Variants in GREB1L observed in about 807,000 individuals in gnomAD.
GREB1L encodes GREB1 like retinoic acid receptor coactivator.
GREB1L carries 17 observed loss-of-function variants against 200.8 expected under a neutral mutation model. That is an observed-to-expected ratio of 0.08 (90% CI 0.06 to 0.13). The LOEUF is 0.13. Ranked by LOEUF, GREB1L falls within the 10% of genes least tolerant of loss-of-function variation. GREB1L has a pLI of 1.00. For missense variants in GREB1L, 1,657 were observed against 2,367.7 expected (o/e 0.70, Z 6.23); for synonymous variants, 789 against 893.0 (o/e 0.88, Z 2.08).
chr18:21,473,938 A>G (rs1316425310), intron 16 of GREB1L, among the ~76,000 whole-genome samples: 3 of 152,154 alleles, frequency 2.0e-5, no homozygotes, highest in Non-Finnish European at 2.9e-5. Flanking sequence ...ACCTCTGATA[A>G]TATCATCAGA....
Position 21,521,582 on chromosome 18 carries a change from G to A in GREB1L, c.5608+759G>A, listed in dbSNP as rs532711219. Among the ~76,000 whole-genome samples, 4 of 152,132 alleles carry A rather than the reference G, an allele frequency of 2.6e-5. No homozygotes were observed. The East Asian group carries it at 5.8e-4, about 22-fold the overall frequency. On this transcript the variant is annotated intron_variant, in intron 32 of 32. Coordinates refer to ENST00000424526, the MANE Select transcript of GREB1L (RefSeq NM_001142966.3). Reference sequence around the variant, plus strand: ...TATTTAGAGACTTATTGGGGATGGGGGAGTGGTAGATTTTGCCTCCCAGGA... The same window carrying A: ...TATTTAGAGACTTATTGGGGATGGGAGAGTGGTAGATTTTGCCTCCCAGGA...
At chr18:21,362,998 C>G (rs1234588330) in intron 1 of GREB1L, among the ~76,000 whole-genome samples, 7 of 152,170 alleles carry the variant, frequency 4.6e-5, no homozygotes, top group Non-Finnish European at 1.0e-4. Context: ...TGGAGGTTGT[C>G]TGATGAATGG....
chr18:21,393,559 T>C (rs1427025124), intron 4 of GREB1L, among the ~76,000 whole-genome samples: 1 of 152,168 alleles, frequency 6.6e-6, no homozygotes, highest in East Asian at 1.9e-4. Flanking sequence ...CACTGCAAGC[T>C]CCGCCTCTAC....
chr18:21,500,250 G>T lies in GREB1L; in HGVS notation c.3913G>T (p.Ala1305Ser). The change falls in exon 22 of 33, where the codon GCC becomes TCC. Residue 1305 changes from alanine (A) to serine (S), a missense_variant. By Grantham distance (99) the Ala-to-Ser change is moderately conservative (BLOSUM62 1). Coordinates refer to ENST00000424526, the MANE Select transcript of GREB1L (RefSeq NM_001142966.3). Reference sequence around the variant, plus strand: ...TGACTATAGCAACCAGCTGGACCCGGCCTCTGGCACCCGAAACTTCCACCC... The same window carrying T: ...TGACTATAGCAACCAGCTGGACCCGTCCTCTGGCACCCGAAACTTCCACCC... ...HADYSNQLDP[A>S]SGTRNFHPRR... is the part of the protein sequence containing the mutation. 6.6e-7 allele frequency: 1 copy of T among 1,507,522 alleles called. No individual in the cohort carries two copies. 93.4% of individuals were successfully genotyped at this position (1,507,522 alleles called of 1,614,324 possible).
At position 21,518,243 on chromosome 18, in the gene GREB1L, G is replaced by GGT; in HGVS notation, c.5472+13_5472+14dup. Reference sequence around the variant, plus strand: ...TTAACATTGGACCAGAGGTAAAAAGGGTGTGGGGGATACTGTGCTTACCTA... The same window carrying GGT: ...TTAACATTGGACCAGAGGTAAAAAGGGTGTGTGGGGGATACTGTGCTTACCTA... On this transcript the variant is annotated intron_variant, in intron 31 of 32. Transcript: ENST00000424526. 6.4e-7 allele frequency: 1 copy of GGT among 1,550,876 alleles called. No homozygotes were observed. Among genetic ancestry groups the GGT allele is most frequent in the Non-Finnish European group, 8.7e-7 (1 of 1,146,344 alleles).
At chr18:21,312,027 T>C (rs2038800117) in intron 1 of GREB1L, among the ~76,000 whole-genome samples, 1 of 152,118 alleles carries the variant, frequency 6.6e-6, no homozygotes, top group Non-Finnish European at 1.5e-5. Flanking sequence ...TTTCCCTCTT[T>C]GTGTCCATGA....
At chr18:21,385,322 A>G (rs576006869) in intron 4 of GREB1L, among the ~76,000 whole-genome samples, 19 of 152,144 alleles carry the variant, frequency 1.2e-4, no homozygotes, top group Non-Finnish European at 2.5e-4. Flanking sequence ...CTAGAGGTTC[A>G]AATATGGAAA....
At chr18:21,259,560 C>T (rs974467278) in intron 1 of GREB1L, among the ~76,000 whole-genome samples, 2 of 152,012 alleles carry the variant, frequency 1.3e-5, no homozygotes, top group African/African-American at 2.4e-5. Context: ...AACCATGTTC[C>T]TCAAACCATT....
intron 15 of GREB1L, among the ~76,000 whole-genome samples, chr18:21,467,967 G>A (rs2035329540): frequency 6.6e-6 from 1 of 150,780 alleles, no homozygotes; most frequent in South Asian, 2.1e-4. Flanking sequence ...GGAGCTCACA[G>A]TGAGCCGAGA....
At chr18:21,503,211 TA>T (rs1225149930) in intron 23 of GREB1L, among the ~76,000 whole-genome samples, 1 of 151,612 alleles carries the variant, frequency 6.6e-6, no homozygotes, top group Non-Finnish European at 1.5e-5. Context: ...TTATTAATAA[TA>T]AAAAAATATA....
At chr18:21,399,983 G>A (rs1446460147) in intron 5 of GREB1L, among the ~76,000 whole-genome samples, 1 of 151,806 alleles carries the variant, frequency 6.6e-6, no homozygotes, top group Non-Finnish European at 1.5e-5. Context: ...TTAGCTTAGG[G>A]GTCTGAAAAG....
At chr18:21,426,973 CAAAAAAA>C (rs56776768) in intron 7 of GREB1L, among the ~76,000 whole-genome samples, 41,397 of 83,834 alleles carry the variant, frequency 0.49, 8,427 homozygotes, top group African/African-American at 0.62. Context: ...AAAAAAAAAA[CAAAAAAA>C]AAAAAAACAA....
intron 19 of GREB1L, among the ~76,000 whole-genome samples, chr18:21,493,462 C>T (rs529539654): frequency 6.6e-5 from 10 of 152,248 alleles, no homozygotes; most frequent in African/African-American, 2.4e-4. Context: ...AGAACTGCAG[C>T]CATCAGTCAT....
intron 7 of GREB1L, among the ~76,000 whole-genome samples, chr18:21,425,080 A>G (rs1422758128): frequency 6.6e-6 from 1 of 152,212 alleles, no homozygotes; most frequent in Non-Finnish European, 1.5e-5. Flanking sequence ...GTTGATACAA[A>G]TCAATTTTCA....
chr18:21,404,142 C>G, intron 7 of GREB1L, 148 bp downstream of exon 7: 1 of 739,586 alleles, frequency 1.4e-6, no homozygotes. Context: ...AGAATTCAGC[C>G]TTGAGATGGG....
chr18:21,271,167 G>T (rs2038072384), intron 1 of GREB1L, among the ~76,000 whole-genome samples: 1 of 152,188 alleles, frequency 6.6e-6, no homozygotes, highest in Non-Finnish European at 1.5e-5. Flanking sequence ...GTATATAACA[G>T]ACCTTTATAT....
intron 1 of GREB1L, among the ~76,000 whole-genome samples, chr18:21,364,744 A>G (rs1308575477): frequency 1.3e-5 from 2 of 152,234 alleles, no homozygotes; most frequent in African/African-American, 2.4e-5. Context: ...AGAAGAAAAT[A>G]CAAAAATGTC....
intron 1 of GREB1L, among the ~76,000 whole-genome samples, chr18:21,330,783 A>G (rs1025847802): frequency 2.0e-5 from 3 of 152,196 alleles, no homozygotes; most frequent in Non-Finnish European, 4.4e-5. Context: ...CTTCCTTGAC[A>G]TACCTAATTT....
At chr18:21,383,763 A>G in intron 3 of GREB1L, 88 bp downstream of exon 3, 1 of 1,316,354 alleles carries the variant, frequency 7.6e-7, no homozygotes, top group South Asian at 1.3e-5. Context: ...CCCAGGCTGG[A>G]GTGCAGTGGC....
Sources: allele counts gnomAD v4.1 joint callset (sites outside exome capture counted in the v4.1 genomes callset), GRCh38; gene constraint gnomAD v4.1.1; transcripts MANE v1.5; gene names NCBI Gene and HGNC (gene_info 2026-07-23, HGNC 2026-07-21).